Variants in RAB10 observed in about 807,000 individuals in gnomAD.
The protein encoded by RAB10 is RAB10, member RAS oncogene family.
A neutral mutation model predicts 25.7 loss-of-function variants in RAB10; 5 were observed. That is an observed-to-expected ratio of 0.19 (90% CI 0.10 to 0.41). The LOEUF (loss-of-function observed/expected upper bound fraction) is 0.41, where lower values mean the gene tolerates loss of function less well. RAB10 is among the 10% of genes least tolerant of loss of function. The probability of loss-of-function intolerance (pLI) is 1.00; values close to 1 mark genes in which losing one functional copy is unlikely to be tolerated. For missense variants in RAB10, 103 were observed against 245.8 expected (o/e 0.42, Z 3.89); for synonymous variants, 89 against 86.4 (o/e 1.03, Z -0.16).
chr2:26,120,145 T>C (rs1315480343), intron 3 of RAB10, among the ~76,000 whole-genome samples: 1 of 152,252 alleles, frequency 6.6e-6, no homozygotes, highest in African/African-American at 2.4e-5. Context: ...CAGTGACTTC[T>C]AAAGCTACAG....
rs10669615 is a variant in RAB10, at chr2:26,124,389, C to CTTTTTTTTTTTTTTTTTTTTTTTTTTTT, written c.328-2754_328-2727dup. ...GTTGTTTTTCTTATTGTTGTTGTTG[C>CTTTTTTTTTTTTTTTTTTTTTTTTTTTT]TTTTTTTTTTTTTTTTTTTTTTTTT... On this transcript the variant is annotated intron_variant, in intron 3 of 5. Coordinates refer to ENST00000264710, the MANE Select transcript of RAB10 (RefSeq NM_016131.5). 2.0e-4 allele frequency among the ~76,000 whole-genome samples: 4 copies of CTTTTTTTTTTTTTTTTTTTTTTTTTTTT among 19,678 alleles called. 2 individuals carry two copies. The highest frequency in any genetic ancestry group is 4.8e-3 in the East Asian group (2 of 414). The allele number at this position is 19,678 out of a possible 152,430, so 12.9% of individuals were successfully genotyped here. A position where few individuals can be genotyped will look rare whatever the true frequency, so the allele number is the denominator to read the frequency against.
intron 1 of RAB10, among the ~76,000 whole-genome samples, chr2:26,045,421 A>T (rs1292479461): frequency 6.6e-6 from 1 of 151,980 alleles, no homozygotes; most frequent in Non-Finnish European, 1.5e-5. Context: ...TTGTATTTTT[A>T]GTAGAGGCGG....
Position 26,034,576 on chromosome 2 carries a change from C to A in RAB10, c.-33C>A, listed in dbSNP as rs753638516. The A allele has an allele frequency of 6.2e-7, 1 of 1,612,124 alleles. No individual in the cohort carries two copies. The highest frequency in any genetic ancestry group is 1.1e-5 in the South Asian group (1 of 91,004). On this transcript the variant is annotated 5_prime_UTR_variant, in exon 1 of 6. Coordinates refer to ENST00000264710, the MANE Select transcript of RAB10 (RefSeq NM_016131.5). ...GTGAGAGGGACCGATCCCTTGGGGC[C>A]GCCGGCGGCGAGAGCCCGAGCCGCT...
At chr2:26,123,482 G>C (rs1667846210) in intron 3 of RAB10, among the ~76,000 whole-genome samples, 1 of 152,338 alleles carries the variant, frequency 6.6e-6, no homozygotes, top group African/African-American at 2.4e-5. Context: ...TCCTGCTGGA[G>C]AAAACTGTGT....
chr2:26,110,645 T>G (rs534625520), intron 3 of RAB10, among the ~76,000 whole-genome samples: 1 of 152,330 alleles, frequency 6.6e-6, no homozygotes, highest in East Asian at 1.9e-4. Flanking sequence ...GGAATACTAA[T>G]ATAGTAAAAA....
At chr2:26,055,905 T>C (rs759818461) in intron 1 of RAB10, among the ~76,000 whole-genome samples, 5 of 150,976 alleles carry the variant, frequency 3.3e-5, no homozygotes, top group Non-Finnish European at 5.9e-5. Flanking sequence ...TTTTTTTTCT[T>C]TTTTTTTTGA....
At chr2:26,120,865 TA>T (rs1324281800) in intron 3 of RAB10, among the ~76,000 whole-genome samples, 1 of 151,964 alleles carries the variant, frequency 6.6e-6, no homozygotes, top group East Asian at 1.9e-4. Context: ...GCTGGGATTA[TA>T]GGCATGAGCC....
intron 2 of RAB10, among the ~76,000 whole-genome samples, chr2:26,107,402 T>A (rs1372007163): frequency 6.6e-6 from 1 of 152,136 alleles, no homozygotes; most frequent in East Asian, 1.9e-4. Flanking sequence ...ATGAAAAGAC[T>A]AGCTACAGAC....
intron 1 of RAB10, among the ~76,000 whole-genome samples, chr2:26,063,587 T>A (rs1455398859): frequency 6.6e-6 from 1 of 152,180 alleles, no homozygotes; most frequent in Non-Finnish European, 1.5e-5. Flanking sequence ...TATTAGTAAA[T>A]AACATATACT....
At chr2:26,124,939 T>C (rs1377342297) in intron 3 of RAB10, among the ~76,000 whole-genome samples, 2 of 152,194 alleles carry the variant, frequency 1.3e-5, no homozygotes, top group African/African-American at 4.8e-5. Context: ...TGTCAGAACT[T>C]GTTTATTTTT....
At chr2:26,041,092 G>A (rs1443345164) in intron 1 of RAB10, among the ~76,000 whole-genome samples, 2 of 151,472 alleles carry the variant, frequency 1.3e-5, no homozygotes, top group East Asian at 3.9e-4. Flanking sequence ...GCATTTAATG[G>A]GTGCACCATA....
chr2:26,047,630 T>C (rs142092952), intron 1 of RAB10, among the ~76,000 whole-genome samples: 2,296 of 151,946 alleles, frequency 0.015, 40 homozygotes, highest in African/African-American at 0.04. Context: ...TTGGCCGGGC[T>C]GGTCTTGAAC....
chr2:26,086,053 G>A (rs1447852918), intron 1 of RAB10, among the ~76,000 whole-genome samples: 3 of 137,300 alleles, frequency 2.2e-5, no homozygotes, highest in Non-Finnish European at 4.6e-5. Flanking sequence ...GGTAGCTCAC[G>A]CCTGTAATCC....
intron 1 of RAB10, among the ~76,000 whole-genome samples, chr2:26,035,888 A>G (rs929198721): frequency 6.6e-6 from 1 of 152,240 alleles, no homozygotes; most frequent in Non-Finnish European, 1.5e-5. Context: ...TCATTCTCAC[A>G]AAAGAAATTA....
chr2:26,049,472 G>A (rs182051062), intron 1 of RAB10, among the ~76,000 whole-genome samples: 279 of 150,552 alleles, frequency 1.9e-3, no homozygotes, highest in Non-Finnish European at 3.3e-3. Context: ...GCAGTGGCAC[G>A]ATCTCTGCTC....
chr2:26,054,054 T>TTTC (rs1427170739), intron 1 of RAB10, among the ~76,000 whole-genome samples: 4 of 144,598 alleles, frequency 2.8e-5, no homozygotes, highest in African/African-American at 1.1e-4. Flanking sequence ...TTTTTTTTTT[T>TTTC]CCTGTTTTTT....
intron 3 of RAB10, among the ~76,000 whole-genome samples, chr2:26,113,743 T>TAAAAAAAAAAAA: frequency 8.0e-6 from 1 of 125,616 alleles, no homozygotes; most frequent in Non-Finnish European, 1.7e-5. Flanking sequence ...CAGCCAGAGC[T>TAAAAAAAAAAAA]AAAAAAAAAA....
chr2:26,061,475 C>A (rs1666392832), intron 1 of RAB10, among the ~76,000 whole-genome samples: 1 of 151,976 alleles, frequency 6.6e-6, no homozygotes, highest in South Asian at 2.1e-4. Context: ...AACAGTGGCA[C>A]AGTAATAGGC....
upstream of RAB10, among the ~76,000 whole-genome samples, chr2:26,033,519 GC>G (rs1665677881): frequency 6.6e-6 from 1 of 152,270 alleles, no homozygotes; most frequent in African/African-American, 2.4e-5. Flanking sequence ...GTCAGGGCTG[GC>G]CCTGGAGAGG....
Sources: allele counts gnomAD v4.1 joint callset (sites outside exome capture counted in the v4.1 genomes callset), GRCh38; gene constraint gnomAD v4.1.1; transcripts MANE v1.5; gene names NCBI Gene and HGNC (gene_info 2026-07-23, HGNC 2026-07-21).